Variants in MSH3 observed in about 807,000 individuals in gnomAD.
The protein encoded by MSH3 is DNA mismatch repair protein Msh3.
Under a neutral mutation model 123.3 loss-of-function variants are expected in MSH3, and 106 were observed. The observed-to-expected ratio is 0.86, with a 90% CI of 0.73 to 1.01. MSH3 has a LOEUF of 1.01. Ranked by LOEUF, MSH3 falls within the 50% of genes least tolerant of loss-of-function variation. MSH3 has a pLI of 0.00. For synonymous variants in MSH3, 515 were observed against 481.4 expected, an observed-to-expected ratio of 1.07 and a Z score of -0.91; for missense variants, 1,459 against 1,347.6, an observed-to-expected ratio of 1.08 and a Z score of -1.29.
chr5:80,797,712 G>A (rs568217803), intron 19 of MSH3, among the ~76,000 whole-genome samples: 2 of 152,288 alleles, frequency 1.3e-5, no homozygotes, highest in South Asian at 4.1e-4. Context: ...GCATCACACA[G>A]AAAATGATAG....
At chr5:80,685,266 T>TTGG (rs1464149301) in intron 8 of MSH3, among the ~76,000 whole-genome samples, 2 of 150,768 alleles carry the variant, frequency 1.3e-5, no homozygotes, top group African/African-American at 4.9e-5. Context: ...CTTTAAATGT[T>TTGG]TGGTAGGATT....
intron 23 of MSH3, among the ~76,000 whole-genome samples, chr5:80,874,516 A>G (rs1746273777): frequency 6.6e-6 from 1 of 152,246 alleles, no homozygotes; most frequent in Non-Finnish European, 1.5e-5. Context: ...TATCTATGAG[A>G]ATTTAAAAAT....
chr5:80,672,910 G>A lies in MSH3; in HGVS notation c.1027+52G>A, dbSNP rs545083362. 3.7e-4 allele frequency: 521 copies of A among 1,391,874 alleles called. 3 individuals are homozygous for A. In the Middle Eastern group the frequency reaches 4.3e-3, roughly 11 times the overall value. The allele number at this position is 1,391,874 out of a possible 1,614,324, so 86.2% of individuals were successfully genotyped here. ...TCTTAAATGATACAAGGGCTTTGTTGGCAGGTTTTGTTTGTTTGTTTGTTT... is the reference window on the plus strand; with the variant it reads ...TCTTAAATGATACAAGGGCTTTGTTAGCAGGTTTTGTTTGTTTGTTTGTTT... On this transcript the variant is annotated intron_variant, in intron 6 of 23. Coordinates refer to ENST00000265081, the MANE Select transcript of MSH3 (RefSeq NM_002439.5).
intron 8 of MSH3, among the ~76,000 whole-genome samples, chr5:80,717,533 G>A (rs1750987745): frequency 1.3e-5 from 2 of 152,146 alleles, no homozygotes; most frequent in South Asian, 2.1e-4. Context: ...CTATAGGTGT[G>A]AGCCATCCTG....
chr5:80,757,291 C>A (rs1428015673), intron 12 of MSH3, among the ~76,000 whole-genome samples: 1 of 152,076 alleles, frequency 6.6e-6, no homozygotes. Flanking sequence ...TGGCTGTAGT[C>A]ACCCTGTTGC....
At chr5:80,730,894 AT>A (rs59224150) in intron 10 of MSH3, among the ~76,000 whole-genome samples, 2,512 of 127,738 alleles carry the variant, frequency 0.02, 39 homozygotes, top group East Asian at 0.055. Context: ...ATATATATAT[AT>A]TTTTTTTTTT....
intron 8 of MSH3, among the ~76,000 whole-genome samples, chr5:80,692,592 G>A (rs182577301): frequency 7.1e-6 from 1 of 139,906 alleles, no homozygotes; most frequent in Non-Finnish European, 1.5e-5. Context: ...AGATAAACAT[G>A]TATATGTTTA....
At chr5:80,837,120 T>G (rs1348479688) in intron 20 of MSH3, among the ~76,000 whole-genome samples, 1 of 152,128 alleles carries the variant, frequency 6.6e-6, no homozygotes, top group Non-Finnish European at 1.5e-5. Flanking sequence ...TAGTAAAACA[T>G]TGTAAGTTTT....
At chr5:80,706,437 A>G (rs1220224794) in intron 8 of MSH3, among the ~76,000 whole-genome samples, 1 of 152,236 alleles carries the variant, frequency 6.6e-6, no homozygotes, top group Non-Finnish European at 1.5e-5. Context: ...GTAAGACTGT[A>G]GAGTTCTTAG....
chr5:80,694,695 A>G (rs1395668155), intron 8 of MSH3, among the ~76,000 whole-genome samples: 3 of 151,846 alleles, frequency 2.0e-5, no homozygotes, highest in Non-Finnish European at 4.4e-5. Context: ...ATCATCTGAG[A>G]ATGCCTTGAT....
At chr5:80,688,481 ATAG>A (rs1235906954) in intron 8 of MSH3, among the ~76,000 whole-genome samples, 1 of 152,200 alleles carries the variant, frequency 6.6e-6, no homozygotes, top group African/African-American at 2.4e-5. Flanking sequence ...TGAAATTACC[ATAG>A]TAGCATTTTC....
intron 12 of MSH3, among the ~76,000 whole-genome samples, chr5:80,753,353 C>T (rs1258725316): frequency 6.6e-6 from 1 of 152,096 alleles, no homozygotes; most frequent in East Asian, 1.9e-4. Flanking sequence ...TGGTACTTGC[C>T]TGTGTTTTCT....
At chr5:80,851,392 A>AAT (rs1021140068) in intron 20 of MSH3, among the ~76,000 whole-genome samples, 120 of 152,150 alleles carry the variant, frequency 7.9e-4, no homozygotes, top group African/African-American at 2.5e-3. Context: ...TACATATTAC[A>AAT]ATATATATAT....
chr5:80,787,415 G>A (rs2112019950), intron 17 of MSH3, 150 bp from the exon 18 acceptor site: 2 of 701,522 alleles, frequency 2.9e-6, no homozygotes, highest in Admixed American at 1.9e-5. Flanking sequence ...AAGCTGTTTG[G>A]TGTAATCTCC....
chr5:80,767,895 A>G lies in MSH3; in HGVS notation c.1897-38A>G, dbSNP rs1364477393. 1.4e-6 allele frequency: 2 copies of G among 1,475,436 alleles called. No individual in the cohort carries two copies. The highest frequency in any genetic ancestry group is 1.9e-6 in the Non-Finnish European group (2 of 1,055,896). 91.4% of individuals were successfully genotyped at this position (1,475,436 alleles called of 1,614,324 possible). ...CACTAATTAAACTTCATTTTCATGT[A>G]TCTTATGCTATTTCATAAAAAATAT... On this transcript the variant is annotated intron_variant, in intron 13 of 23. Transcript: ENST00000265081.
intron 13 of MSH3, among the ~76,000 whole-genome samples, chr5:80,762,528 G>T (rs1276306469): frequency 6.6e-6 from 1 of 151,560 alleles, no homozygotes; most frequent in Non-Finnish European, 1.5e-5. Flanking sequence ...GCTAGTAACA[G>T]AATCTGTATT....
chr5:80,656,627 T>C, intron 2 of MSH3, 96 bp downstream of exon 2: 1 of 1,555,474 alleles, frequency 6.4e-7, no homozygotes, highest in African/African-American at 1.4e-5. Context: ...TGTGTCTTTT[T>C]TCTTTGTGGA....
intron 8 of MSH3, chr5:80,715,101 A>G (rs982583570): frequency 6.6e-6 from 1 of 152,202 alleles, no homozygotes; most frequent in Non-Finnish European, 1.5e-5. Flanking sequence ...TACTTTGGAC[A>G]TTGTACTTAA....
At chr5:80,720,537 C>A (rs1324828932) in intron 8 of MSH3, among the ~76,000 whole-genome samples, 1 of 152,004 alleles carries the variant, frequency 6.6e-6, no homozygotes, top group African/African-American at 2.4e-5. Context: ...TCTAGACTAT[C>A]GTTCATTCTG....
Sources: allele counts gnomAD v4.1 joint callset (sites outside exome capture counted in the v4.1 genomes callset), GRCh38; gene constraint gnomAD v4.1.1; transcripts MANE v1.5; gene names NCBI Gene and HGNC (gene_info 2026-07-23, HGNC 2026-07-21).